COL4A2: variants seen among roughly 807,000 people sequenced by gnomAD.
COL4A2 encodes collagen alpha-2(IV) chain.
In COL4A2, 99 loss-of-function variants were observed where a neutral mutation model predicts 200.2. That is an observed-to-expected ratio of 0.49 (90% CI 0.42 to 0.58). The LOEUF (loss-of-function observed/expected upper bound fraction) is 0.58, where lower values mean the gene tolerates loss of function less well. COL4A2 is among the 20% of genes least tolerant of loss of function. The probability of loss-of-function intolerance (pLI) is 0.00; values close to 1 mark genes in which losing one functional copy is unlikely to be tolerated. For missense variants in COL4A2, 1,950 were observed against 2,314.1 expected (o/e 0.84, Z 3.23); for synonymous variants, 897 against 900.6 (o/e 1.00, Z 0.07).
At chr13:110,424,095 T>G (rs2139452975) in intron 4 of COL4A2, among the ~76,000 whole-genome samples, 1 of 152,222 alleles carries the variant, frequency 6.6e-6, no homozygotes, top group South Asian at 2.1e-4. Flanking sequence ...TTTAATGTGT[T>G]AAGGAGCCGC....
intron 10 of COL4A2, 32 bp downstream of exon 10, chr13:110,430,639 G>A (rs756907222): frequency 1.2e-6 from 2 of 1,613,902 alleles, no homozygotes; most frequent in Non-Finnish European, 8.5e-7. Context: ...CCCACTCTGG[G>A]ACCATCGTCC....
At chr13:110,326,912 T>C (rs1885431043) in intron 3 of COL4A2, among the ~76,000 whole-genome samples, 2 of 152,250 alleles carry the variant, frequency 1.3e-5, no homozygotes, top group East Asian at 3.8e-4. Context: ...CGTGACCACT[T>C]TGTGACCTGA....
At position 110,471,619 on chromosome 13, in the gene COL4A2, G is replaced by A. The variant is rs1177972865; in HGVS notation, c.2204-1310G>A. 7.9e-5 allele frequency among the ~76,000 whole-genome samples: 12 copies of A among 152,130 alleles called. No homozygotes were observed. The East Asian group carries it at 9.6e-4, about 12-fold the overall frequency. On this transcript the variant is annotated intron_variant, in intron 28 of 47. Transcript: ENST00000360467. ...CTCTTCATTGTGAGTAAATCACACC[G>A]TTAAAACTCTGAGTACGGTCTAGCT...
intron 3 of COL4A2, among the ~76,000 whole-genome samples, chr13:110,333,006 G>A (rs1183206060): frequency 2.0e-5 from 3 of 152,178 alleles, no homozygotes; most frequent in Non-Finnish European, 2.9e-5. Flanking sequence ...GTCCTTGCAG[G>A]CAGCCAGGCT....
intron 4 of COL4A2, among the ~76,000 whole-genome samples, chr13:110,382,425 A>G (rs1004980617): frequency 6.6e-6 from 1 of 152,254 alleles, no homozygotes; most frequent in African/African-American, 2.4e-5. Flanking sequence ...TATATGAATC[A>G]CATAGCAGTA....
At chr13:110,394,026 C>T (rs1879094170) in intron 4 of COL4A2, among the ~76,000 whole-genome samples, 1 of 152,166 alleles carries the variant, frequency 6.6e-6, no homozygotes, top group Non-Finnish European at 1.5e-5. Context: ...CTTTCTCCAC[C>T]ATATCTGTGT....
intron 16 of COL4A2, among the ~76,000 whole-genome samples, chr13:110,441,809 A>G (rs971522319): frequency 1.3e-5 from 2 of 151,956 alleles, no homozygotes; most frequent in African/African-American, 4.8e-5. Context: ...TTAAAAGTGC[A>G]TTTCCAGGTG....
intron 7 of COL4A2, 84 bp downstream of exon 7, chr13:110,428,667 C>T: frequency 1.4e-6 from 1 of 706,932 alleles, no homozygotes; most frequent in South Asian, 2.3e-5. Context: ...GAGCCTCCCG[C>T]TCACTGTGGC....
intron 29 of COL4A2, among the ~76,000 whole-genome samples, chr13:110,474,772 C>T (rs1470364063): frequency 2.7e-5 from 4 of 148,308 alleles, no homozygotes; most frequent in Middle Eastern, 3.6e-3. Flanking sequence ...CACACACGCA[C>T]GTACCCACAC....
intron 3 of COL4A2, among the ~76,000 whole-genome samples, chr13:110,310,628 A>G (rs1482512763): frequency 1.3e-5 from 2 of 152,168 alleles, no homozygotes; most frequent in East Asian, 1.9e-4. Flanking sequence ...TAATGTTTCA[A>G]TTTTCAACTG....
At chr13:110,403,809 T>G (rs1361063821) in intron 4 of COL4A2, among the ~76,000 whole-genome samples, 2 of 152,216 alleles carry the variant, frequency 1.3e-5, no homozygotes, top group African/African-American at 4.8e-5. Context: ...AGTCCATTCG[T>G]AGTCCATGCT....
At chr13:110,487,281 G>A (rs1337842082) in intron 34 of COL4A2, among the ~76,000 whole-genome samples, 8 of 152,196 alleles carry the variant, frequency 5.3e-5, no homozygotes, top group Non-Finnish European at 1.0e-4. Context: ...GTGAAACCCC[G>A]TCTCTACCAA....
rs1359566925 is a variant in COL4A2 at position 110,472,979 on chromosome 13, G to A, written c.2254G>A (p.Asp752Asn). The A allele has an allele frequency of 6.5e-7, 1 of 1,548,858 alleles. No homozygotes were observed. Among genetic ancestry groups the A allele is most frequent in the Non-Finnish European group, 8.7e-7 (1 of 1,148,120 alleles). Reference sequence around the variant, plus strand: ...AGGTGCAGTGGGCCTCCCTGGCCCAGATGGATCCCCAGGTCCCATCGGCCT... The same window carrying A: ...AGGTGCAGTGGGCCTCCCTGGCCCAAATGGATCCCCAGGTCCCATCGGCCT... ...SKGAVGLPGPDGSPGPIGLPG... is the reference protein window; with the variant it reads ...SKGAVGLPGPNGSPGPIGLPG... The change falls in exon 29 of 48, where the codon GAT becomes AAT. Residue 752 changes from aspartate to asparagine, a missense_variant. By Grantham distance (23) the Asp-to-Asn change is conservative. Transcript: ENST00000360467.
intron 4 of COL4A2, among the ~76,000 whole-genome samples, chr13:110,391,279 C>T (rs1055861862): frequency 6.6e-6 from 1 of 152,110 alleles, no homozygotes; most frequent in Non-Finnish European, 1.5e-5. Context: ...TCTACAGAGC[C>T]CCTTCTGCTA....
intron 4 of COL4A2, among the ~76,000 whole-genome samples, chr13:110,390,820 G>A (rs1158851073): frequency 5.3e-5 from 8 of 152,170 alleles, no homozygotes; most frequent in Non-Finnish European, 5.9e-5. Context: ...TAGGGCTGTG[G>A]CCGATGAGTC....
rs545719074 is a variant in COL4A2 at position 110,488,469 on chromosome 13, C to T, written c.3208-976C>T. Among the ~76,000 whole-genome samples, 284 of 152,308 alleles carry T rather than the reference C, an allele frequency of 1.9e-3. 1 individual carries two copies. The highest frequency in any genetic ancestry group is 3.7e-3 in the Admixed American group (56 of 15,304). On this transcript the variant is annotated intron_variant, in intron 34 of 47. Coordinates refer to ENST00000360467, the MANE Select transcript of COL4A2 (RefSeq NM_001846.4). ...GCCACTCTGGAGGGGAAAACTAGGG[C>T]TTCCAGGAAGCCACCGAGCAACTCA...
chr13:110,512,423 C>G lies in COL4A2; in HGVS notation c.*232C>G. On this transcript the variant is annotated 3_prime_UTR_variant, in exon 48 of 48. Transcript: ENST00000360467. ...CAGAAAGCCAGGAGCAGCCCTGGCC[C>G]CCATCAGCCCTGCTAGACGCACCGC... 3 of 673,332 alleles carry G rather than the reference C, an allele frequency of 4.5e-6. No individual in the cohort carries two copies. Among genetic ancestry groups the G allele is most frequent in the Non-Finnish European group, 7.3e-6 (3 of 411,362 alleles). 41.7% of individuals were successfully genotyped at this position (673,332 alleles called of 1,614,324 possible).
At chr13:110,467,194 C>T (rs1322350651) in intron 27 of COL4A2, 98 bp downstream of exon 27, 2 of 1,491,556 alleles carry the variant, frequency 1.3e-6, no homozygotes, top group Non-Finnish European at 1.8e-6. Flanking sequence ...TCCTGCATCC[C>T]CCACCCCAGA....
intron 3 of COL4A2, among the ~76,000 whole-genome samples, chr13:110,329,852 C>G (rs565258798): frequency 1.3e-5 from 2 of 152,232 alleles, no homozygotes; most frequent in East Asian, 3.9e-4. Context: ...GAAAAACGCC[C>G]AGTGATGGCT....
Sources: allele counts gnomAD v4.1 joint callset (sites outside exome capture counted in the v4.1 genomes callset), GRCh38; gene constraint gnomAD v4.1.1; transcripts MANE v1.5; gene names NCBI Gene and HGNC (gene_info 2026-07-23, HGNC 2026-07-21).